Variants in ETV6 observed in about 807,000 individuals in gnomAD.
ETV6 encodes the protein ETS variant transcription factor 6, also known as transcription factor ETV6.
A neutral mutation model predicts 51.1 loss-of-function variants in ETV6; 16 were observed. That is an observed-to-expected ratio of 0.31 (90% CI 0.21 to 0.48). ETV6 has a LOEUF of 0.48. Ranked by LOEUF, ETV6 falls within the 20% of genes least tolerant of loss-of-function variation. The pLI is 0.99. For missense variants in ETV6, 458 were observed against 594.8 expected (o/e 0.77, Z 2.39); for synonymous variants, 240 against 224.1 (o/e 1.07, Z -0.64).
chr12:11,680,618 G>C (rs779585858), intron 1 of ETV6, among the ~76,000 whole-genome samples: 1 of 152,218 alleles, frequency 6.6e-6, no homozygotes, highest in Non-Finnish European at 1.5e-5. Flanking sequence ...ATAGCAAAGT[G>C]TTTGCTAAAA....
At chr12:11,759,382 A>G (rs759761946) in intron 2 of ETV6, among the ~76,000 whole-genome samples, 7 of 152,136 alleles carry the variant, frequency 4.6e-5, no homozygotes, top group Non-Finnish European at 8.8e-5. Context: ...AGAGTTCTGA[A>G]GTAGACATTT....
At chr12:11,675,184 C>T (rs944905455) in intron 1 of ETV6, among the ~76,000 whole-genome samples, 3 of 152,128 alleles carry the variant, frequency 2.0e-5, no homozygotes, top group Non-Finnish European at 2.9e-5. Context: ...CTTCTGTAAC[C>T]CCCAAGCACC....
At chr12:11,811,542 T>A (rs1480859900) in intron 2 of ETV6, among the ~76,000 whole-genome samples, 1 of 152,202 alleles carries the variant, frequency 6.6e-6, no homozygotes, top group Non-Finnish European at 1.5e-5. Flanking sequence ...ATTAAGCTCT[T>A]GGTGGTCATT....
At chr12:11,724,076 G>T (rs1353760474) in intron 1 of ETV6, among the ~76,000 whole-genome samples, 1 of 152,062 alleles carries the variant, frequency 6.6e-6, no homozygotes, top group Non-Finnish European at 1.5e-5. Context: ...CTAACTCTTG[G>T]TCTCATTAGG....
At chr12:11,864,778 A>C (rs1244290585) in intron 4 of ETV6, among the ~76,000 whole-genome samples, 1 of 152,104 alleles carries the variant, frequency 6.6e-6, no homozygotes, top group Non-Finnish European at 1.5e-5. Context: ...TTTTTATAAC[A>C]GGAAATATCA....
intron 2 of ETV6, among the ~76,000 whole-genome samples, chr12:11,765,161 A>G (rs1364259422): frequency 6.6e-6 from 1 of 152,180 alleles, no homozygotes; most frequent in African/African-American, 2.4e-5. Context: ...CACAACCCAA[A>G]ACTTCAGGGT....
chr12:11,786,325 C>T (rs968142321), intron 2 of ETV6, among the ~76,000 whole-genome samples: 3 of 108,164 alleles, frequency 2.8e-5, no homozygotes, highest in African/African-American at 8.9e-5. Flanking sequence ...CAATTAAGTA[C>T]AACTTAATTT....
intron 3 of ETV6, among the ~76,000 whole-genome samples, chr12:11,846,397 T>A (rs1180766743): frequency 1.3e-5 from 2 of 152,248 alleles, no homozygotes; most frequent in Admixed American, 1.3e-4. Context: ...AATGTTAGGG[T>A]TCTACTTTAA....
chr12:11,799,977 G>A (rs2136401091), intron 2 of ETV6, among the ~76,000 whole-genome samples: 1 of 152,264 alleles, frequency 6.6e-6, no homozygotes, highest in East Asian at 1.9e-4. Context: ...TGTTGCCCAG[G>A]CTCTTGATGT....
intron 3 of ETV6, chr12:11,840,594 C>A: frequency 2.2e-6 from 1 of 445,396 alleles, no homozygotes; most frequent in Non-Finnish European, 4.5e-6. Flanking sequence ...CATGAGGAAA[C>A]GTCCCTCATT....
At chr12:11,696,122 C>T (rs1864874503) in intron 1 of ETV6, among the ~76,000 whole-genome samples, 1 of 152,182 alleles carries the variant, frequency 6.6e-6, no homozygotes, top group Non-Finnish European at 1.5e-5. Context: ...CAGCACACAT[C>T]ACACAGGAGA....
At chr12:11,877,099 T>C (rs1434782649) in intron 5 of ETV6, among the ~76,000 whole-genome samples, 1 of 152,184 alleles carries the variant, frequency 6.6e-6, no homozygotes, top group African/African-American at 2.4e-5. Flanking sequence ...ATGAATTATA[T>C]ATATACAAAG....
Position 11,755,888 on chromosome 12 carries a change from TAC to T in ETV6, c.163+3310_163+3311del, listed in dbSNP as rs370622154. Reference sequence around the variant, plus strand: ...GTTCTTTTCACCATTTTCCATTGATTACCAGATAAATCCTCTCCCTTAATTCT... The same window carrying T: ...GTTCTTTTCACCATTTTCCATTGATTCAGATAAATCCTCTCCCTTAATTCT... On this transcript the variant is annotated intron_variant, in intron 2 of 7. Transcript: ENST00000396373. Among the ~76,000 whole-genome samples the T allele has an allele frequency of 4.4e-3, 673 of 152,318 alleles. 5 individuals carry two copies. The highest frequency in any genetic ancestry group is 0.015 in the African/African-American group (640 of 41,560).
intron 1 of ETV6, among the ~76,000 whole-genome samples, chr12:11,702,007 G>A (rs1864992422): frequency 6.6e-6 from 1 of 152,088 alleles, no homozygotes; most frequent in African/African-American, 2.4e-5. Flanking sequence ...ATGACATTAG[G>A]GCGTATATGA....
At chr12:11,818,167 A>C (rs2136430725) in intron 2 of ETV6, among the ~76,000 whole-genome samples, 1 of 152,286 alleles carries the variant, frequency 6.6e-6, no homozygotes, top group South Asian at 2.1e-4. Flanking sequence ...TGCCTCTTTG[A>C]AGAGTGGGGT....
chr12:11,714,227 A>G (rs1865227411), intron 1 of ETV6, among the ~76,000 whole-genome samples: 1 of 152,202 alleles, frequency 6.6e-6, no homozygotes, highest in Non-Finnish European at 1.5e-5. Context: ...GGACAAAGAA[A>G]GAGAGGCAAG....
At chr12:11,703,758 A>C (rs1247189662) in intron 1 of ETV6, among the ~76,000 whole-genome samples, 1 of 152,224 alleles carries the variant, frequency 6.6e-6, no homozygotes, top group Non-Finnish European at 1.5e-5. Context: ...GAGGGGACTG[A>C]GTCGGGGAGC....
At chr12:11,734,856 C>G (rs561735606) in intron 1 of ETV6, among the ~76,000 whole-genome samples, 14 of 152,276 alleles carry the variant, frequency 9.2e-5, no homozygotes, top group African/African-American at 3.4e-4. Flanking sequence ...CTCTTAACCA[C>G]TATGCTATAC....
At chr12:11,736,356 C>T (rs1331237283) in intron 1 of ETV6, among the ~76,000 whole-genome samples, 2 of 152,148 alleles carry the variant, frequency 1.3e-5, no homozygotes, top group Non-Finnish European at 2.9e-5. Context: ...AGAAACATTA[C>T]ATAGATAATT....
Sources: allele counts gnomAD v4.1 joint callset (sites outside exome capture counted in the v4.1 genomes callset), GRCh38; gene constraint gnomAD v4.1.1; transcripts MANE v1.5; gene names NCBI Gene and HGNC (gene_info 2026-07-23, HGNC 2026-07-21).